Variants in LEO1 observed in about 807,000 individuals in gnomAD.
LEO1 encodes LEO1 component of Paf1/RNA polymerase II complex.
LEO1 carries 34 observed loss-of-function variants against 80.4 expected under a neutral mutation model. The observed-to-expected ratio is 0.42, with a 90% CI of 0.32 to 0.56. The LOEUF (loss-of-function observed/expected upper bound fraction) is 0.56. Ranked by LOEUF, LEO1 falls within the 20% of genes least tolerant of loss-of-function variation. LEO1 has a pLI of 0.10. For synonymous variants in LEO1, 262 were observed against 274.9 expected (o/e 0.95, Z 0.46); for missense variants, 631 against 814.2 (o/e 0.77, Z 2.74).
At chr15:51,958,218 G>A (rs532742603) in intron 6 of LEO1, among the ~76,000 whole-genome samples, 33 of 151,978 alleles carry the variant, frequency 2.2e-4, no homozygotes, top group Non-Finnish European at 4.1e-4. Context: ...CAATTTGGGA[G>A]GTCAAGGCGG....
At chr15:51,969,238 C>T (rs941339766) in intron 1 of LEO1, among the ~76,000 whole-genome samples, 5 of 151,844 alleles carry the variant, frequency 3.3e-5, no homozygotes, top group Admixed American at 1.3e-4. Context: ...GGATTACAGG[C>T]GTGAGCCACT....
At chr15:51,961,979 T>C (rs2057034561) in intron 3 of LEO1, among the ~76,000 whole-genome samples, 2 of 151,782 alleles carry the variant, frequency 1.3e-5, no homozygotes, top group South Asian at 2.1e-4. Flanking sequence ...CTGGCCAACA[T>C]AGTGAAACCC....
chr15:51,963,312 T>A (rs2057046079), intron 2 of LEO1, among the ~76,000 whole-genome samples: 1 of 151,782 alleles, frequency 6.6e-6, no homozygotes, highest in South Asian at 2.1e-4. Context: ...TACAAAAACT[T>A]GGTAGAAATG....
intron 1 of LEO1, among the ~76,000 whole-genome samples, chr15:51,969,074 C>T (rs2057101517): frequency 6.6e-6 from 1 of 152,020 alleles, no homozygotes; most frequent in South Asian, 2.1e-4. Context: ...AAGCGATTCT[C>T]CTACCTCAGC....
At chr15:51,967,499 G>A (rs2141782616) in intron 1 of LEO1, among the ~76,000 whole-genome samples, 1 of 120,862 alleles carries the variant, frequency 8.3e-6, no homozygotes, top group Middle Eastern at 4.3e-3. Context: ...GATAGCTGAA[G>A]AACTCCCAAA....
Position 51,965,804 on chromosome 15 carries a change from G to C in LEO1, c.759C>G (p.Ala253=), listed in dbSNP as rs772356784. 9.3e-6 allele frequency: 15 copies of C among 1,613,626 alleles called. No individual in the cohort carries two copies. Among genetic ancestry groups the C allele is most frequent in the Non-Finnish European group, 1.1e-5 (13 of 1,179,926 alleles). Residue 253 remains alanine, a synonymous_variant, in exon 2 of 12, where the codon GCC becomes GCG. Coordinates refer to ENST00000299601, the MANE Select transcript of LEO1 (RefSeq NM_138792.4). ...CTGAATGCCTGTGTTCTTCATCTGA[G>C]GCCTGTGGCCTTTCATCATCAGAAT... ...MQNSDDERPQ[A]SDEEHRHSDD...
intron 11 of LEO1, among the ~76,000 whole-genome samples, chr15:51,946,202 T>G (rs1172003812): frequency 6.6e-6 from 1 of 152,210 alleles, no homozygotes; most frequent in East Asian, 1.9e-4. Flanking sequence ...TTTCAAATAC[T>G]TTTTGAGATG....
intron 1 of LEO1, among the ~76,000 whole-genome samples, chr15:51,971,374 G>A (rs2057121422): frequency 1.3e-5 from 2 of 152,178 alleles, no homozygotes; most frequent in Non-Finnish European, 2.9e-5. Flanking sequence ...AGGCAAGGCG[G>A]AACAGGACTC....
intron 11 of LEO1, 55 bp from the exon 12 acceptor site, chr15:51,938,315 T>C (rs2056818654): frequency 8.3e-6 from 9 of 1,088,252 alleles, no homozygotes; most frequent in Non-Finnish European, 1.2e-5. Context: ...ATTTTTAGGA[T>C]GGTTTATGAA....
intron 1 of LEO1, among the ~76,000 whole-genome samples, chr15:51,966,856 A>G (rs930784415): frequency 5.3e-5 from 8 of 152,084 alleles, no homozygotes; most frequent in Non-Finnish European, 8.8e-5. Context: ...AGTTGCAGTG[A>G]GCGGAGATCA....
In LEO1 at chr15:51,965,936, C is replaced by G. The variant is rs2057071657; in HGVS notation, c.627G>C (p.Lys209Asn). The change falls in exon 2 of 12, where the codon AAG (lysine) becomes AAC (asparagine). Residue 209 changes from lysine (K) to asparagine (N), a missense_variant. Lys to Asn is a moderately conservative substitution (Grantham distance 94, BLOSUM62 0). This residue lies in a region of LEO1 where 394 missense variants were observed against 395.6 expected (regional missense o/e 1.00). Coordinates refer to ENST00000299601, the MANE Select transcript of LEO1 (RefSeq NM_138792.4). ...DERQQLSEEE[K>N]ANSDDERPVA... is the part of the protein sequence containing the mutation. ...CCGGCCGTTCATCATCAGAATTAGC[C>G]TTTTCCTCCTCAGATAGCTGTTGTC... is the stretch of plus-strand genomic sequence containing the variant. 1 of 1,614,102 alleles carries G rather than the reference C, an allele frequency of 6.2e-7. No individual in the cohort carries two copies. Among genetic ancestry groups the G allele is most frequent in the Non-Finnish European group, 8.5e-7 (1 of 1,180,004 alleles).
intron 11 of LEO1, among the ~76,000 whole-genome samples, chr15:51,941,367 G>C (rs557729099): frequency 2.0e-5 from 3 of 152,184 alleles, no homozygotes; most frequent in Non-Finnish European, 4.4e-5. Context: ...TACAGAAAAA[G>C]ACAGTCCACA....
At chr15:51,961,873 A>G (rs1334652844) in intron 3 of LEO1, among the ~76,000 whole-genome samples, 2 of 151,604 alleles carry the variant, frequency 1.3e-5, no homozygotes, top group Non-Finnish European at 2.9e-5. Context: ...CACTCTAACT[A>G]TAAACAGACT....
chr15:51,957,107 G>A (rs562997988), intron 6 of LEO1, among the ~76,000 whole-genome samples: 1 of 152,218 alleles, frequency 6.6e-6, no homozygotes, highest in South Asian at 2.1e-4. Context: ...ACAGATATGC[G>A]GCACCATGCC....
chr15:51,965,049 G>A (rs2057064046), intron 2 of LEO1, among the ~76,000 whole-genome samples: 1 of 152,086 alleles, frequency 6.6e-6, no homozygotes, highest in Non-Finnish European at 1.5e-5. Context: ...CAGTAACACT[G>A]TCCATTGAGA....
chr15:51,944,411 A>C (rs1199480712), intron 11 of LEO1, among the ~76,000 whole-genome samples: 2 of 152,234 alleles, frequency 1.3e-5, no homozygotes, highest in Non-Finnish European at 2.9e-5. Context: ...AACCACTGAA[A>C]ATGTTTCAAG....
intron 11 of LEO1, among the ~76,000 whole-genome samples, chr15:51,946,113 T>TA (rs2056899011): frequency 6.6e-6 from 1 of 152,204 alleles, no homozygotes; most frequent in Non-Finnish European, 1.5e-5. Context: ...TAAGATAAAA[T>TA]ATTTTTAAAT....
At chr15:51,959,079 C>A (rs973799116) in intron 5 of LEO1, among the ~76,000 whole-genome samples, 3 of 151,590 alleles carry the variant, frequency 2.0e-5, no homozygotes, top group African/African-American at 7.3e-5. Flanking sequence ...CTCGGCTCAC[C>A]ACAACCTCCG....
chr15:51,950,082 T>C, intron 9 of LEO1, 88 bp from the exon 10 acceptor site: 2 of 1,112,616 alleles, frequency 1.8e-6, no homozygotes, highest in Non-Finnish European at 2.5e-6. Flanking sequence ...TAGCATGTAA[T>C]GTCTGGTCCA....
Sources: gnomAD v4.1 joint callset for allele counts (sites outside exome capture counted in the v4.1 genomes callset) on GRCh38, gnomAD v4.1.1 for gene constraint, gnomAD v4.1.1 regional missense constraint, MANE v1.5 for transcripts, NCBI Gene and HGNC (gene_info 2026-07-23, HGNC 2026-07-21) for gene names.